PCLO: variants seen among roughly 807,000 people sequenced by gnomAD.
The protein encoded by PCLO is protein piccolo.
A neutral mutation model predicts 427.5 loss-of-function variants in PCLO; 82 were observed. The observed-to-expected ratio is 0.19, with a 90% CI of 0.16 to 0.23. The LOEUF (loss-of-function observed/expected upper bound fraction) is 0.23. Ranked by LOEUF, PCLO falls within the 10% of genes least tolerant of loss-of-function variation. The probability of loss-of-function intolerance (pLI) is 1.00; values close to 1 mark genes in which losing one functional copy is unlikely to be tolerated. For missense variants in PCLO, 6,239 were observed against 6,115.9 expected, an observed-to-expected ratio of 1.02 and a Z score of -0.67; for synonymous variants, 2,357 against 2,155.4, an observed-to-expected ratio of 1.09 and a Z score of -2.59.
At chr7:83,055,991 G>C (rs955586718) in intron 3 of PCLO, among the ~76,000 whole-genome samples, 6 of 151,838 alleles carry the variant, frequency 4.0e-5, no homozygotes, top group Admixed American at 3.3e-4. Flanking sequence ...TTGGAACCAG[G>C]GTGCAACCTA....
At chr7:82,857,561 C>T (rs149838506) in intron 10 of PCLO, among the ~76,000 whole-genome samples, 10 of 152,110 alleles carry the variant, frequency 6.6e-5, no homozygotes, top group South Asian at 2.1e-4. Context: ...ATCATCACTG[C>T]CACCACCATC....
chr7:83,010,011 C>A (rs191344167), intron 3 of PCLO, among the ~76,000 whole-genome samples: 13 of 152,074 alleles, frequency 8.5e-5, no homozygotes, highest in African/African-American at 3.1e-4. Context: ...CACTACTGAG[C>A]AAGTTACCTG....
chr7:82,826,039 T>C (rs375874549), intron 18 of PCLO, among the ~76,000 whole-genome samples: 6 of 151,238 alleles, frequency 4.0e-5, no homozygotes, highest in South Asian at 4.2e-4. Flanking sequence ...TACAAGTACA[T>C]AGTAAGTGTA....
chr7:82,947,496 CTA>C (rs1320208944), intron 6 of PCLO, among the ~76,000 whole-genome samples: 1 of 152,232 alleles, frequency 6.6e-6, no homozygotes, highest in East Asian at 1.9e-4. Flanking sequence ...CAAAGTATGT[CTA>C]GACATTTGCC....
Position 83,096,963 on chromosome 7 carries a change from TATA to T in PCLO, c.3300+37284_3300+37286del, listed in dbSNP as rs1584019637. Among the ~76,000 whole-genome samples the T allele has an allele frequency of 4.5e-5, 2 of 44,916 alleles. 1 individual carries two copies. The highest frequency in any genetic ancestry group is 1.9e-3 in the East Asian group (2 of 1,044). 29.5% of individuals were successfully genotyped at this position (44,916 alleles called of 152,430 possible). ...ATTATATATTATATAAATAATATAA[TATA>T]ATATATTATATATTATATAAATAAT... On this transcript the variant is annotated intron_variant, in intron 3 of 24. Coordinates refer to ENST00000333891, the MANE Select transcript of PCLO (RefSeq NM_033026.6).
chr7:82,971,694 TTAATGGAAAAAG>T (rs560464382), intron 3 of PCLO, among the ~76,000 whole-genome samples: 286 of 148,432 alleles, frequency 1.9e-3, no homozygotes, highest in African/African-American at 6.5e-3. Context: ...TTTATTACTT[TTAATGGAAAAAG>T]TAATGGAAAA....
chr7:82,762,570 A>G (rs554460819), intron 22 of PCLO, among the ~76,000 whole-genome samples: 52 of 152,174 alleles, frequency 3.4e-4, no homozygotes, highest in African/African-American at 1.2e-3. Context: ...GATAACTACC[A>G]ATATTAGAAA....
At chr7:82,793,075 C>A (rs556239404) in intron 22 of PCLO, among the ~76,000 whole-genome samples, 1 of 151,972 alleles carries the variant, frequency 6.6e-6, no homozygotes, top group African/African-American at 2.4e-5. Context: ...CTTCCAAGAG[C>A]ACCTCTTTCA....
chr7:83,069,735 T>C (rs908741591), intron 3 of PCLO, among the ~76,000 whole-genome samples: 2 of 151,686 alleles, frequency 1.3e-5, no homozygotes, highest in African/African-American at 4.8e-5. Flanking sequence ...TGTCACTCTT[T>C]ATATTCTTGG....
chr7:83,100,318 C>A (rs191626953), intron 3 of PCLO, among the ~76,000 whole-genome samples: 269 of 152,094 alleles, frequency 1.8e-3, no homozygotes, highest in African/African-American at 6.2e-3. Context: ...GGGAATATAC[C>A]CCACAAAATA....
At chr7:83,147,959 C>T in intron 2 of PCLO, among the ~76,000 whole-genome samples, 2 of 151,810 alleles carry the variant, frequency 1.3e-5, no homozygotes, top group East Asian at 3.9e-4. Flanking sequence ...GTATTTTTAC[C>T]TTGTTATCCA....
chr7:83,088,516 C>A (rs1167765363), intron 3 of PCLO, among the ~76,000 whole-genome samples: 1 of 152,166 alleles, frequency 6.6e-6, no homozygotes, highest in Non-Finnish European at 1.5e-5. Flanking sequence ...GTTTCCAGAT[C>A]AAGAAATGTA....
At chr7:82,792,547 T>C (rs947528380) in intron 22 of PCLO, among the ~76,000 whole-genome samples, 2 of 152,064 alleles carry the variant, frequency 1.3e-5, no homozygotes, top group African/African-American at 4.8e-5. Context: ...AGGCTTCTCT[T>C]GAACTCTTGG....
chr7:82,853,798 G>A (rs1792730204), intron 10 of PCLO, among the ~76,000 whole-genome samples: 1 of 152,060 alleles, frequency 6.6e-6, no homozygotes, highest in Admixed American at 6.6e-5. Flanking sequence ...GAGCAAGTTG[G>A]TTAATCCTCC....
chr7:83,120,686 T>C (rs1177544714), intron 3 of PCLO, among the ~76,000 whole-genome samples: 1 of 152,116 alleles, frequency 6.6e-6, no homozygotes, highest in South Asian at 2.1e-4. Flanking sequence ...GAGAGTAGCA[T>C]GACATATTTA....
chr7:82,796,585 G>T (rs191452878), intron 22 of PCLO, among the ~76,000 whole-genome samples: 3 of 151,894 alleles, frequency 2.0e-5, no homozygotes, highest in African/African-American at 4.8e-5. Flanking sequence ...TACAGATGCT[G>T]CCATGCTTTT....
intron 1 of PCLO, among the ~76,000 whole-genome samples, 190 bp from the exon 2 acceptor site, chr7:83,156,582 G>C (rs1445119367): frequency 6.6e-6 from 1 of 151,176 alleles, no homozygotes; most frequent in African/African-American, 2.4e-5. Context: ...TTCTTTAAAT[G>C]GGTAGAGATT....
At chr7:83,047,897 C>T (rs1292387584) in intron 3 of PCLO, among the ~76,000 whole-genome samples, 1 of 152,046 alleles carries the variant, frequency 6.6e-6, no homozygotes, top group Non-Finnish European at 1.5e-5. Context: ...ACAACACACA[C>T]ACCCCCACAC....
At chr7:82,929,410 ATGTT>A (rs1351294443) in intron 6 of PCLO, among the ~76,000 whole-genome samples, 1 of 152,154 alleles carries the variant, frequency 6.6e-6, no homozygotes, top group Non-Finnish European at 1.5e-5. Context: ...GACTTAATCT[ATGTT>A]TGCCTAATGT....
Sources: allele counts gnomAD v4.1 joint callset (sites outside exome capture counted in the v4.1 genomes callset), GRCh38; gene constraint gnomAD v4.1.1; transcripts MANE v1.5; gene names NCBI Gene and HGNC (gene_info 2026-07-23, HGNC 2026-07-21).